The following COL12A1 variants were observed in gnomAD, a reference collection of about 807,000 sequenced individuals.
COL12A1 encodes collagen alpha-1(XII) chain.
A neutral mutation model predicts 349.7 loss-of-function variants in COL12A1; 114 were observed. That is an observed-to-expected ratio of 0.33 (90% CI 0.28 to 0.38). COL12A1 has a LOEUF of 0.38. Among genes scored for constraint, COL12A1 ranks in the 10% least tolerant of loss-of-function variants. The pLI is 1.00. For synonymous variants in COL12A1, 1,369 were observed against 1,329.0 expected (o/e 1.03, Z -0.66); for missense variants, 3,284 against 3,756.9 (o/e 0.87, Z 3.29).
chr6:75,152,057 A>G, intron 19 of COL12A1, 26 bp from the exon 20 acceptor site: 1 of 1,613,824 alleles, frequency 6.2e-7, no homozygotes, highest in Non-Finnish European at 8.5e-7. Flanking sequence ...AAAGAGAATC[A>G]GTCACATCAC....
intron 52 of COL12A1, 132 bp downstream of exon 52, chr6:75,108,886 C>G (rs763812391): frequency 3.7e-5 from 35 of 936,030 alleles, no homozygotes; most frequent in Non-Finnish European, 5.5e-5. Context: ...ATGTTTTGAT[C>G]TGACCAAGAA....
intron 2 of COL12A1, among the ~76,000 whole-genome samples, chr6:75,196,748 G>T (rs1296098909): frequency 6.6e-6 from 1 of 152,162 alleles, no homozygotes; most frequent in African/African-American, 2.4e-5. Context: ...TGCAAAGGCA[G>T]ACACACTGGC....
At chr6:75,115,753 G>A (rs1212854760) in intron 49 of COL12A1, 31 bp downstream of exon 49, 1 of 1,568,592 alleles carries the variant, frequency 6.4e-7, no homozygotes, top group Non-Finnish European at 8.6e-7. Flanking sequence ...CAGGTCTTAA[G>A]AAAAGGAAAA....
At chr6:75,153,198 C>T (rs1391527690) in intron 17 of COL12A1, among the ~76,000 whole-genome samples, 2 of 151,912 alleles carry the variant, frequency 1.3e-5, no homozygotes, top group African/African-American at 4.8e-5. Flanking sequence ...GAAGTTTGCA[C>T]ATTTAAAGAA....
intron 43 of COL12A1, 48 bp downstream of exon 43, chr6:75,123,282 C>G: frequency 6.8e-7 from 1 of 1,476,042 alleles, no homozygotes; most frequent in Non-Finnish European, 9.4e-7. Context: ...AATAAGAAGT[C>G]TGTAACTCCC....
Position 75,138,468 on chromosome 6 carries a change from A to T in COL12A1, c.5210T>A (p.Leu1737Gln). ...IYPDESESDDLIGSERTLPIL... is the reference protein window; with the variant it reads ...IYPDESESDDQIGSERTLPIL... The stretch of plus-strand genomic sequence containing the variant: ...CCTACGTGTGCGCTCACTGCCAATC[A>T]GGTCATCACTTTCTGACTCATCAGG... The change falls in exon 29 of 66, where the codon CTG becomes CAG. Residue 1737 changes from leucine to glutamine, a missense_variant. By Grantham distance (113) the Leu-to-Gln change is moderately radical. Transcript: ENST00000322507. The T allele has an allele frequency of 1.2e-6, 2 of 1,613,872 alleles. No homozygotes were observed. The highest frequency in any genetic ancestry group is 1.7e-6 in the Non-Finnish European group (2 of 1,179,904).
At position 75,137,258 on chromosome 6, in the gene COL12A1, G is replaced by A. The variant is rs527476204; in HGVS notation, c.5394+179C>T. ...CATCTCTCATGAGAACATCCATTGAGTCTCCATGATGGCAATCCACGTGGA... is the reference window on the plus strand; with the variant it reads ...CATCTCTCATGAGAACATCCATTGAATCTCCATGATGGCAATCCACGTGGA... On this transcript the variant is annotated intron_variant, in intron 31 of 65. Coordinates refer to ENST00000322507, the MANE Select transcript of COL12A1 (RefSeq NM_004370.6). Among the ~76,000 whole-genome samples, 4 of 152,208 alleles carry A rather than the reference G, an allele frequency of 2.6e-5. No homozygotes were observed. In the East Asian group the frequency reaches 7.7e-4, roughly 29 times the overall value.
intron 13 of COL12A1, among the ~76,000 whole-genome samples, chr6:75,166,029 G>C (rs1768283275): frequency 6.6e-6 from 1 of 151,766 alleles, no homozygotes. Flanking sequence ...AGATAATCTT[G>C]TCCTTCAGGA....
intron 14 of COL12A1, among the ~76,000 whole-genome samples, chr6:75,163,098 G>C (rs1162054326): frequency 6.6e-6 from 1 of 152,242 alleles, no homozygotes; most frequent in Non-Finnish European, 1.5e-5. Context: ...GTGTAAGACA[G>C]TGTGGTGATT....
intron 2 of COL12A1, among the ~76,000 whole-genome samples, chr6:75,197,375 C>T (rs1021295198): frequency 9.4e-5 from 14 of 148,884 alleles, no homozygotes; most frequent in African/African-American, 2.7e-4. Context: ...TGCAGTGGTA[C>T]GAACTTGGCT....
intron 65 of COL12A1, chr6:75,087,258 C>T (rs1027298372): frequency 2.7e-5 from 9 of 338,238 alleles, no homozygotes; most frequent in Middle Eastern, 7.1e-4. Flanking sequence ...TTAACAAATC[C>T]CTGTTCCCAA....
chr6:75,119,267 G>C, intron 45 of COL12A1, 81 bp from the exon 46 acceptor site: 1 of 1,608,874 alleles, frequency 6.2e-7, no homozygotes, highest in Non-Finnish European at 8.5e-7. Flanking sequence ...CAACTGATAA[G>C]AATCTGGATA....
chr6:75,162,711 A>G (rs1436604231), intron 14 of COL12A1, among the ~76,000 whole-genome samples: 1 of 152,236 alleles, frequency 6.6e-6, no homozygotes, highest in Non-Finnish European at 1.5e-5. Context: ...AACTATCATC[A>G]GAGTGAACAG....
In COL12A1 at chr6:75,103,801, C is replaced by T; in HGVS notation, c.8275G>A (p.Gly2759Ser). ...CTTTCACCTCTGGGACCTTTAGCAC[C>T]AGGTCCTCCCTAAAATACATAGAGC... ...PGPPGPAGGPGAKGPRGERGI... is the reference protein window; with the variant it reads ...PGPPGPAGGPSAKGPRGERGI... The change falls in exon 55 of 66, where the codon GGT (glycine) becomes AGT (serine). Residue 2759 changes from glycine to serine, a missense_variant. Gly to Ser is a moderately conservative substitution (Grantham distance 56). Coordinates refer to ENST00000322507, the MANE Select transcript of COL12A1 (RefSeq NM_004370.6). 6.2e-7 allele frequency: 1 copy of T among 1,612,968 alleles called. No homozygotes were observed.
Position 75,194,867 on chromosome 6 carries a change from T to A in COL12A1, c.154A>T (p.Ile52Phe). The A allele has an allele frequency of 6.2e-7, 1 of 1,612,256 alleles. No individual in the cohort carries two copies. Among genetic ancestry groups the A allele is most frequent in the Non-Finnish European group, 8.5e-7 (1 of 1,178,980 alleles). The change falls in exon 3 of 66, where the codon ATT becomes TTT. Residue 52 changes from isoleucine (I) to phenylalanine (F), a missense_variant. Ile to Phe is a conservative substitution (Grantham distance 21). Around this residue, in one of 2 missense-constraint regions of COL12A1, gnomAD observed 2,601 missense variants for 2,824.8 expected, o/e 0.92. Transcript: ENST00000322507. ...HMSWAKPVDP[I>F]VGYRITVDPT... ...TCCACCGTTATTCTGTAACCCACAATTGGATCAACTGGTTTTGCCCATGAC... is the reference window on the plus strand; with the variant it reads ...TCCACCGTTATTCTGTAACCCACAAATGGATCAACTGGTTTTGCCCATGAC...
chr6:75,098,091 A>G (rs1357255096), intron 58 of COL12A1, among the ~76,000 whole-genome samples: 1 of 152,250 alleles, frequency 6.6e-6, no homozygotes, highest in African/African-American at 2.4e-5. Context: ...TAAGCTCTGT[A>G]GTAAATACTT....
intron 14 of COL12A1, among the ~76,000 whole-genome samples, chr6:75,158,698 ACT>A (rs1381910403): frequency 6.6e-6 from 1 of 152,118 alleles, no homozygotes; most frequent in African/African-American, 2.4e-5. Context: ...ATATAAAAAG[ACT>A]CAAATTAAAC....
intron 2 of COL12A1, among the ~76,000 whole-genome samples, chr6:75,199,637 T>C (rs1223124692): frequency 1.3e-5 from 2 of 152,224 alleles, no homozygotes; most frequent in African/African-American, 2.4e-5. Flanking sequence ...ATAATTAACA[T>C]ACTGTATCAT....
intron 13 of COL12A1, among the ~76,000 whole-genome samples, chr6:75,173,911 T>G (rs1192618941): frequency 1.3e-5 from 2 of 152,142 alleles, no homozygotes; most frequent in African/African-American, 4.8e-5. Flanking sequence ...TCATATAAAA[T>G]ATAATGATAG....
Sources: allele counts gnomAD v4.1 joint callset (sites outside exome capture counted in the v4.1 genomes callset), GRCh38; gene constraint gnomAD v4.1.1; regional missense constraint gnomAD v4.1.1; transcripts MANE v1.5; gene names NCBI Gene and HGNC (gene_info 2026-07-23, HGNC 2026-07-21).